The following A2ML1 variants were observed in gnomAD, a reference collection of about 807,000 sequenced individuals.
The protein encoded by A2ML1 is alpha-2-macroglobulin like 1.
A neutral mutation model predicts 181.9 loss-of-function variants in A2ML1; 161 were observed. That is an observed-to-expected ratio of 0.89 (90% CI 0.78 to 1.01). A2ML1 has a LOEUF of 1.01. A2ML1 is among the 50% of genes least tolerant of loss of function. The pLI, the probability that A2ML1 is intolerant of heterozygous loss-of-function variation, is 0.00. For missense variants in A2ML1, 1,670 were observed against 1,768.1 expected (o/e 0.94, Z 1.00); for synonymous variants, 663 against 666.8 (o/e 0.99, Z 0.09).
At position 8,863,814 on chromosome 12, in the gene A2ML1, C is replaced by T. The variant is rs1037613124; in HGVS notation, c.3523C>T (p.Gln1175Ter). 3.1e-6 allele frequency: 5 copies of T among 1,614,096 alleles called. No individual in the cohort carries two copies. Among genetic ancestry groups the T allele is most frequent in the Non-Finnish European group, 2.5e-6 (3 of 1,180,030 alleles). Residue 1175 changes from glutamine (Q) to a stop codon, truncating the protein, a stop_gained, in exon 29 of 36, where the codon CAG becomes TAG. Transcript: ENST00000299698. LOFTEE classifies it high-confidence loss of function. ...IISGESIYWS[Q>*]KPTPSSNASP... is the part of the protein sequence containing the mutation. ...CATAGGAGAATCCATTTACTGGAGC[C>T]AGAAACCTACTCCATCATCGAACGC...
At chr12:8,884,563 G>A (rs968193736) in intron 7 of A2ML1, among the ~76,000 whole-genome samples, 4 of 151,996 alleles carry the variant, frequency 2.6e-5, no homozygotes, top group African/African-American at 9.7e-5. Context: ...TTAAGACGAA[G>A]TCTCACTCTG....
At chr12:8,874,295 C>A in intron 33 of A2ML1, 130 bp from the exon 34 acceptor site, 1 of 636,982 alleles carries the variant, frequency 1.6e-6, no homozygotes, top group Non-Finnish European at 2.7e-6. Context: ...GGATTAGAGG[C>A]ATGAGCCACC....
chr12:8,844,282 A>G (rs1222203715), intron 12 of A2ML1, among the ~76,000 whole-genome samples: 1 of 147,064 alleles, frequency 6.8e-6, no homozygotes, highest in Non-Finnish European at 1.5e-5. Flanking sequence ...TTTTTAATTT[A>G]TATGAGACAG....
intron 8 of A2ML1, 121 bp from the exon 9 acceptor site, chr12:8,838,215 C>A (rs766899744): frequency 1.6e-6 from 1 of 616,912 alleles, no homozygotes; most frequent in Non-Finnish European, 2.8e-6. Context: ...GAGAGTTTTT[C>A]TATATTAGAA....
Position 8,869,136 on chromosome 12 carries a change from T to C in A2ML1, c.4154T>C (p.Leu1385Pro), listed in dbSNP as rs1454633603. Residue 1385 changes from leucine to proline, a missense_variant and splice_region_variant, in exon 33 of 36, where the codon CTT becomes CCT. Transcript: ENST00000299698. Reference sequence around the variant, plus strand: ...TTTTTTTCTCCCTCTCTTATTCAGCTTCTCCAGCAACCCCTGGTGAAGAAG... The same window carrying C: ...TTTTTTTCTCCCTCTCTTATTCAGCCTCTCCAGCAACCCCTGGTGAAGAAG... ...FSPMEGTNQL[L>P]LQQPLVKKVE... 2 of 1,614,114 alleles carry C rather than the reference T, an allele frequency of 1.2e-6. No individual in the cohort carries two copies. Among genetic ancestry groups the C allele is most frequent in the Middle Eastern group, 1.7e-4 (1 of 6,060 alleles).
At chr12:8,851,174 C>T (rs755073384) in intron 18 of A2ML1, among the ~76,000 whole-genome samples, 4 of 152,300 alleles carry the variant, frequency 2.6e-5, no homozygotes, top group African/African-American at 9.6e-5. Flanking sequence ...TCAATTTTTG[C>T]TCACTGCTTG....
At chr12:8,882,180 A>G (rs1944878269) in intron 7 of A2ML1, among the ~76,000 whole-genome samples, 1 of 152,138 alleles carries the variant, frequency 6.6e-6, no homozygotes, top group Non-Finnish European at 1.5e-5. Flanking sequence ...AGGACTAGCT[A>G]GGGAACAGGA....
intron 3 of A2ML1, among the ~76,000 whole-genome samples, chr12:8,825,871 TAC>T (rs1367394011): frequency 6.6e-6 from 1 of 152,232 alleles, no homozygotes; most frequent in Non-Finnish European, 1.5e-5. Flanking sequence ...CTCCAGTGTA[TAC>T]ACTTGTCACC....
exon 8 of A2ML1, chr12:8,886,599 T>G (rs1944923437): frequency 1.3e-5 from 2 of 152,198 alleles, no homozygotes; most frequent in Admixed American, 1.3e-4. Flanking sequence ...ACCACCCCCT[T>G]TCAAGACAGA....
chr12:8,873,104 G>A lies in A2ML1; in HGVS notation c.4222-1321G>A, dbSNP rs192182971. On this transcript the variant is annotated intron_variant, in intron 33 of 35. Coordinates refer to ENST00000299698, the MANE Select transcript of A2ML1 (RefSeq NM_144670.6). The stretch of plus-strand genomic sequence containing the variant: ...TTCTAAAAATAATTCTGACCTCTCA[G>A]ATATTCTGATGCAATCTCGGGGATC... 5.7e-4 allele frequency among the ~76,000 whole-genome samples: 87 copies of A among 152,226 alleles called. 1 individual carries two copies. Among genetic ancestry groups the A allele is most frequent in the Non-Finnish European group, 3.4e-4 (23 of 68,010 alleles).
At position 8,861,238 on chromosome 12, in the gene A2ML1, G is replaced by A. The variant is rs367997380; in HGVS notation, c.3443G>A (p.Gly1148Glu). The A allele has an allele frequency of 6.2e-7, 1 of 1,614,038 alleles. No individual in the cohort carries two copies. The highest frequency in any genetic ancestry group is 1.3e-5 in the African/African-American group (1 of 74,964). ...ALLAYIFSLA[G>E]EMDIRNILLK... ...TTGGCTTACATTTTCTCCCTGGCTG[G>A]GGAAATGGACATCAGAAACATTCTC... The change falls in exon 28 of 36, where the codon GGG becomes GAG. Residue 1148 changes from glycine (G) to glutamate (E), a missense_variant. Physicochemically the swap from Gly to Glu is moderately conservative, Grantham distance 98 (BLOSUM62 -2). Transcript: ENST00000299698.
chr12:8,852,024 G>A lies in A2ML1; in HGVS notation c.2463+12G>A, dbSNP rs1943910636. ...AGGATTGCATCAGGGTGAGAGCTGG[G>A]GATACAGGAATCAGGTGTCAGCCCT... is the stretch of plus-strand genomic sequence containing the variant. On this transcript the variant is annotated intron_variant, in intron 19 of 35. Coordinates refer to ENST00000299698, the MANE Select transcript of A2ML1 (RefSeq NM_144670.6). This position sits in a 1 kb window ranked among gnomAD's most constrained non-coding sequence, Gnocchi z 4.2. 1 of 1,612,670 alleles carries A rather than the reference G, an allele frequency of 6.2e-7. No homozygotes were observed. The highest frequency in any genetic ancestry group is 8.5e-7 in the Non-Finnish European group (1 of 1,178,720).
rs774886599 is a variant in A2ML1, at chr12:8,841,494, C to T, written c.1206C>T (p.Thr402=). The change falls in exon 11 of 36, where the codon ACC becomes ACT. Residue 402 remains threonine, a synonymous_variant. Coordinates refer to ENST00000299698, the MANE Select transcript of A2ML1 (RefSeq NM_144670.6). The part of the protein sequence containing the change: ...VTDNNGLAPF[T]LETSGWNGTD... ...ATAACAATGGCCTAGCTCCCTTTAC[C>T]TTGGAGACATCCGGTTGGAATGGGA... 2 of 1,614,130 alleles carry T rather than the reference C, an allele frequency of 1.2e-6. No homozygotes were observed. Among genetic ancestry groups the T allele is most frequent in the Non-Finnish European group, 8.5e-7 (1 of 1,180,008 alleles).
chr12:8,841,678 AG>A (rs1400762009), intron 11 of A2ML1, 142 bp downstream of exon 11: 53 of 793,388 alleles, frequency 6.7e-5, no homozygotes, highest in Admixed American at 4.3e-4. Context: ...GTTGACAAAA[AG>A]TTTTCCTTAG....
chr12:8,833,441 A>G (rs1204661170), intron 4 of A2ML1, among the ~76,000 whole-genome samples: 3 of 152,162 alleles, frequency 2.0e-5, no homozygotes, highest in East Asian at 3.8e-4. Flanking sequence ...TTTGTCACCC[A>G]GGCTGGAGTG....
At position 8,851,963 on chromosome 12, in the gene A2ML1, C is replaced by A. The variant is rs749075339; in HGVS notation, c.2414C>A (p.Ser805Tyr). ...CCTTACTCAGTAGTCCGTGGGGAATCCTTTCGTCTTACTGCCACCATCTTC... is the reference window on the plus strand; with the variant it reads ...CCTTACTCAGTAGTCCGTGGGGAATACTTTCGTCTTACTGCCACCATCTTC... ...TLPYSVVRGE[S>Y]FRLTATIFNY... The change falls in exon 19 of 36, where the codon TCC becomes TAC. Residue 805 changes from serine (S) to tyrosine (Y), a missense_variant. By Grantham distance (144) the Ser-to-Tyr change is moderately radical. Coordinates refer to ENST00000299698, the MANE Select transcript of A2ML1 (RefSeq NM_144670.6). The A allele has an allele frequency of 6.2e-7, 1 of 1,614,144 alleles. No individual in the cohort carries two copies. The highest frequency in any genetic ancestry group is 1.1e-5 in the South Asian group (1 of 91,078).
At position 8,823,873 on chromosome 12, in the gene A2ML1, G is replaced by C; in HGVS notation, c.400G>C (p.Gly134Arg). The change falls in exon 3 of 36, where the codon GGG becomes CGG. Residue 134 changes from glycine to arginine, a missense_variant. Gly to Arg is a moderately radical substitution (Grantham distance 125). Coordinates refer to ENST00000299698, the MANE Select transcript of A2ML1 (RefSeq NM_144670.6). ...VQTDKPLYTP[G>R]QQVYFRIVTM... is the part of the protein sequence containing the mutation. ...GACTGACAAACCTCTCTACACCCCA[G>C]GGCAGCAAGGTAAGAGTCACATATT... The C allele has an allele frequency of 1.2e-6, 2 of 1,611,714 alleles. No homozygotes were observed. Among genetic ancestry groups the C allele is most frequent in the Non-Finnish European group, 8.5e-7 (1 of 1,178,698 alleles).
At chr12:8,886,922 T>C in exon 8 of A2ML1, 1 of 152,080 alleles carries the variant, frequency 6.6e-6, no homozygotes, top group East Asian at 1.9e-4. Context: ...GGCAGGAGGA[T>C]TGCTTGAGCC....
chr12:8,826,348 T>C (rs886272995), intron 3 of A2ML1, among the ~76,000 whole-genome samples: 1 of 152,226 alleles, frequency 6.6e-6, no homozygotes, highest in Non-Finnish European at 1.5e-5. Context: ...GTAAAGTTTA[T>C]TCCTAGGTAT....
Sources: allele counts gnomAD v4.1 joint callset (sites outside exome capture counted in the v4.1 genomes callset), GRCh38; gene constraint gnomAD v4.1.1; non-coding constraint Gnocchi (gnomAD v3.1); transcripts MANE v1.5; gene names NCBI Gene and HGNC (gene_info 2026-07-23, HGNC 2026-07-21).